CSMD3: variants seen among roughly 807,000 people sequenced by gnomAD.
CSMD3 encodes the protein CUB and sushi domain-containing protein 3.
Under a neutral mutation model 435.2 loss-of-function variants are expected in CSMD3, and 177 were observed. The observed-to-expected ratio is 0.41, with a 90% CI of 0.36 to 0.46. CSMD3 has a LOEUF of 0.46. Ranked by LOEUF, CSMD3 falls within the 20% of genes least tolerant of loss-of-function variation. The probability of loss-of-function intolerance (pLI) is 0.34; values close to 1 mark genes in which losing one functional copy is unlikely to be tolerated. For missense variants in CSMD3, 4,265 were observed against 4,504.6 expected (o/e 0.95, Z 1.52); for synonymous variants, 1,656 against 1,520.5 (o/e 1.09, Z -2.07).
chr8:112,506,043 G>A (rs142678048), intron 29 of CSMD3, among the ~76,000 whole-genome samples: 1 of 152,058 alleles, frequency 6.6e-6, no homozygotes, highest in African/African-American at 2.4e-5. Context: ...GATAGTAATA[G>A]TACTTAGCTT....
At chr8:112,588,485 C>A in intron 22 of CSMD3, among the ~76,000 whole-genome samples, 1 of 151,408 alleles carries the variant, frequency 6.6e-6, no homozygotes, top group African/African-American at 2.4e-5. Context: ...ATCAAAGTTC[C>A]AATATTGATT....
At chr8:112,540,389 T>C (rs1400111435) in intron 27 of CSMD3, among the ~76,000 whole-genome samples, 3 of 152,124 alleles carry the variant, frequency 2.0e-5, no homozygotes, top group East Asian at 3.9e-4. Flanking sequence ...CCTTAAAAGC[T>C]AAAAATACAA....
intron 20 of CSMD3, among the ~76,000 whole-genome samples, chr8:112,643,747 C>T (rs1267650487): frequency 1.3e-5 from 2 of 152,078 alleles, no homozygotes; most frequent in Non-Finnish European, 2.9e-5. Context: ...TCTTCTACCT[C>T]ATTCCTGCTA....
rs1817766993 is a variant in CSMD3, at chr8:112,464,535, G to C, written c.5395+8056C>G. Among the ~76,000 whole-genome samples the C allele has an allele frequency of 3.3e-5, 5 of 151,962 alleles. No individual in the cohort carries two copies. In the South Asian group the frequency reaches 1.0e-3, roughly 32 times the overall value. On this transcript the variant is annotated intron_variant, in intron 32 of 70. Coordinates refer to ENST00000297405, the MANE Select transcript of CSMD3 (RefSeq NM_198123.2). ...GTAAGGAGACCTTCCCTCCTCTGAA[G>C]TTACATATAGTAACCCTTAAAGCAG...
intron 16 of CSMD3, among the ~76,000 whole-genome samples, chr8:112,681,918 A>G (rs1024950954): frequency 1.3e-5 from 2 of 152,150 alleles, no homozygotes; most frequent in Admixed American, 6.6e-5. Flanking sequence ...ACACACATAT[A>G]TATGCCTTGA....
At chr8:112,678,420 G>A (rs1245226784) in intron 16 of CSMD3, among the ~76,000 whole-genome samples, 1 of 152,166 alleles carries the variant, frequency 6.6e-6, no homozygotes, top group African/African-American at 2.4e-5. Context: ...GCAACAAGAT[G>A]ATGGCAGAAT....
At chr8:113,033,929 G>T (rs1454769471) in intron 5 of CSMD3, among the ~76,000 whole-genome samples, 2 of 151,278 alleles carry the variant, frequency 1.3e-5, no homozygotes, top group East Asian at 3.9e-4. Flanking sequence ...GTTCTCAGGA[G>T]ATCTGATAGT....
At position 112,899,558 on chromosome 8, in the gene CSMD3, G is replaced by A. The variant is rs1432545476; in HGVS notation, c.1633+22069C>T. Among the ~76,000 whole-genome samples the A allele has an allele frequency of 7.3e-5, 9 of 124,036 alleles. No homozygotes were observed. In the Admixed American group the frequency reaches 7.5e-4, roughly 10 times the overall value. The allele number at this position is 124,036 out of a possible 152,430, so 81.4% of individuals were successfully genotyped here. A position where few individuals can be genotyped will look rare whatever the true frequency, so the allele number is the denominator to read the frequency against. ...AATATACTATATATATTTTGGGTTA[G>A]GTATCTATACCAACCTAACCCAAAA... On this transcript the variant is annotated intron_variant, in intron 10 of 70. Transcript: ENST00000297405.
In CSMD3 at chr8:113,332,849, G is replaced by A. The variant is rs1010254960; in HGVS notation, c.179-18056C>T. The stretch of plus-strand genomic sequence containing the variant: ...CCAAAACAATTTGGAAAAAAAATTA[G>A]ATGATACCTACTTCCTAATTTAAAG... On this transcript the variant is annotated intron_variant, in intron 1 of 70. Coordinates refer to ENST00000297405, the MANE Select transcript of CSMD3 (RefSeq NM_198123.2). Among the ~76,000 whole-genome samples, 5 of 151,628 alleles carry A rather than the reference G, an allele frequency of 3.3e-5. No individual in the cohort carries two copies. In the East Asian group the frequency reaches 9.6e-4, roughly 29 times the overall value.
At position 112,695,462 on chromosome 8, in the gene CSMD3, G is replaced by C. The variant is rs369655181; in HGVS notation, c.1973-5412C>G. ...CAATAAATGCAATCCAGCATATAAAGAGAACCAAAGACAAAAATCACATGA... is the reference window on the plus strand; with the variant it reads ...CAATAAATGCAATCCAGCATATAAACAGAACCAAAGACAAAAATCACATGA... On this transcript the variant is annotated intron_variant, in intron 13 of 70. Transcript: ENST00000297405. Among the ~76,000 whole-genome samples the C allele has an allele frequency of 1.5e-4, 23 of 152,178 alleles. No homozygotes were observed. The East Asian group carries it at 2.9e-3, about 19-fold the overall frequency.
chr8:112,962,683 A>T (rs1250689336), intron 7 of CSMD3, among the ~76,000 whole-genome samples: 1 of 151,852 alleles, frequency 6.6e-6, no homozygotes, highest in African/African-American at 2.4e-5. Flanking sequence ...TAAAATAAAC[A>T]TAGATGGGTT....
chr8:112,510,249 T>C (rs1265629751), intron 28 of CSMD3, among the ~76,000 whole-genome samples: 3 of 152,228 alleles, frequency 2.0e-5, no homozygotes, highest in Non-Finnish European at 4.4e-5. Context: ...CTAATCGTAC[T>C]ATGTATATGC....
chr8:113,341,557 C>T (rs188443136), intron 1 of CSMD3, among the ~76,000 whole-genome samples: 24 of 152,050 alleles, frequency 1.6e-4, no homozygotes, highest in African/African-American at 5.5e-4. Context: ...ATGGCAGGAA[C>T]CCATAAACAA....
At chr8:112,501,461 T>C (rs554885161) in intron 30 of CSMD3, among the ~76,000 whole-genome samples, 8 of 150,680 alleles carry the variant, frequency 5.3e-5, no homozygotes, top group South Asian at 4.2e-4. Flanking sequence ...AACTTAATAG[T>C]AATAAGGGAA....
intron 41 of CSMD3, among the ~76,000 whole-genome samples, chr8:112,343,044 A>T (rs1399448187): frequency 2.6e-5 from 3 of 114,392 alleles, no homozygotes; most frequent in African/African-American, 5.9e-5. Flanking sequence ...GTTTAAATAC[A>T]TTGGACCTAA....
At chr8:112,641,211 AAAG>A (rs2074815923) in intron 20 of CSMD3, among the ~76,000 whole-genome samples, 3 of 152,208 alleles carry the variant, frequency 2.0e-5, no homozygotes, top group African/African-American at 7.2e-5. Context: ...CGCTTTGTAA[AAAG>A]AAGCTGCTGT....
At chr8:113,073,375 G>C (rs1225120094) in intron 5 of CSMD3, among the ~76,000 whole-genome samples, 2 of 151,698 alleles carry the variant, frequency 1.3e-5, no homozygotes, top group African/African-American at 4.8e-5. Context: ...AAAAAGAGTA[G>C]GTTTCCTTAT....
intron 5 of CSMD3, among the ~76,000 whole-genome samples, chr8:113,090,170 A>G (rs1398373346): frequency 6.6e-6 from 1 of 152,114 alleles, no homozygotes; most frequent in Non-Finnish European, 1.5e-5. Context: ...TTGGGGCTAA[A>G]ATATTTGCCT....
intron 4 of CSMD3, among the ~76,000 whole-genome samples, chr8:113,113,408 C>T (rs553176530): frequency 6.6e-6 from 1 of 152,220 alleles, no homozygotes; most frequent in Admixed American, 6.5e-5. Context: ...TTCTATTCCA[C>T]ATTTAATGAT....
Sources: gnomAD v4.1 joint callset for allele counts (sites outside exome capture counted in the v4.1 genomes callset) on GRCh38, gnomAD v4.1.1 for gene constraint, MANE v1.5 for transcripts, NCBI Gene and HGNC (gene_info 2026-07-23, HGNC 2026-07-21) for gene names.